The following PLXNB2 variants were observed in gnomAD, a reference collection of about 807,000 sequenced individuals.
The protein encoded by PLXNB2 is plexin B2.
A neutral mutation model predicts 202.6 loss-of-function variants in PLXNB2; 85 were observed. The ratio of observed to expected loss-of-function variants is 0.42; its 90% CI spans 0.35 to 0.50. The LOEUF is 0.50. Ranked by LOEUF, PLXNB2 falls within the 20% of genes least tolerant of loss-of-function variation. PLXNB2 has a pLI of 0.02. For missense variants in PLXNB2, 2,063 were observed against 2,586.2 expected (o/e 0.80, Z 4.39); for synonymous variants, 1,239 against 1,137.6 (o/e 1.09, Z -1.79).
At chr22:50,307,487 T>TGACGGCGAAGCCCCCCC (rs1300459587) in intron 1 of PLXNB2, 66 bp downstream of exon 1, 1 of 880,586 alleles carries the variant, frequency 1.1e-6, no homozygotes, top group African/African-American at 1.9e-5. Flanking sequence ...GGAGCGGCGC[T>TGACGGCGAAGCCCCCCC]GACGGCGAAG....
At position 50,290,375 on chromosome 22, in the gene PLXNB2, G is replaced by T; in HGVS notation, c.210C>A (p.Gly70=). The T allele has an allele frequency of 6.2e-7, 1 of 1,612,900 alleles. No homozygotes were observed. Among genetic ancestry groups the T allele is most frequent in the Non-Finnish European group, 8.5e-7 (1 of 1,179,982 alleles). Residue 70 remains glycine (G), a synonymous_variant, in exon 3 of 37, where the codon GGC becomes GGA. Transcript: ENST00000359337. ...TGCACTTCTTGTTGTCCAGGGCCGGGCCCGTGGCCACCTGCTGCTCCAGCT... is the reference window on the plus strand; with the variant it reads ...TGCACTTCTTGTTGTCCAGGGCCGGTCCCGTGGCCACCTGCTGCTCCAGCT... The part of the protein sequence containing the change: ...KLQLEQQVAT[G]PALDNKKCTP...
In PLXNB2 at chr22:50,281,633, G is replaced by C; in HGVS notation, c.3455C>G (p.Pro1152Arg). ...LTETDLYCEP[P>R]EVQPPPKRRQ... Reference sequence around the variant, plus strand: ...CCGCTTGGGCGGGGGCTGCACCTCCGGGGGCTCACAGTACAGGTCGGTCTC... The same window carrying C: ...CCGCTTGGGCGGGGGCTGCACCTCCCGGGGCTCACAGTACAGGTCGGTCTC... The change falls in exon 21 of 37, where the codon CCG becomes CGG. Residue 1152 changes from proline (P) to arginine (R), a missense_variant. Physicochemically the swap from Pro to Arg is moderately radical, Grantham distance 103. Transcript: ENST00000359337. 1 of 1,606,350 alleles carries C rather than the reference G, an allele frequency of 6.2e-7. No homozygotes were observed. Among genetic ancestry groups the C allele is most frequent in the Non-Finnish European group, 8.5e-7 (1 of 1,176,124 alleles).
rs1030918175 is a variant in PLXNB2, at chr22:50,275,242, C to T, written c.*462G>A. On this transcript the variant is annotated 3_prime_UTR_variant, in exon 37 of 37. Coordinates refer to ENST00000359337, the MANE Select transcript of PLXNB2 (RefSeq NM_012401.4). Reference sequence around the variant, plus strand: ...GAGGCCGGTGAGGTCAGGAAGGCATCGTACCGCTTTTTCTCCTCCTCCCAT... The same window carrying T: ...GAGGCCGGTGAGGTCAGGAAGGCATTGTACCGCTTTTTCTCCTCCTCCCAT... The T allele has an allele frequency of 5.4e-6, 2 of 369,320 alleles. No homozygotes were observed. Among genetic ancestry groups the T allele is most frequent in the Non-Finnish European group, 1.1e-5 (2 of 184,872 alleles). The allele number at this position is 369,320 out of a possible 1,614,324, so 22.9% of individuals were successfully genotyped here.
intron 2 of PLXNB2, among the ~76,000 whole-genome samples, chr22:50,292,906 C>T (rs551978355): frequency 1.4e-4 from 22 of 152,314 alleles, no homozygotes; most frequent in Admixed American, 1.1e-3. Context: ...AGCTCCTGCC[C>T]GGCACAGAAC....
At chr22:50,298,292 A>G (rs1490323475) in intron 1 of PLXNB2, among the ~76,000 whole-genome samples, 1 of 151,988 alleles carries the variant, frequency 6.6e-6, no homozygotes, top group Non-Finnish European at 1.5e-5. Context: ...CCTCCCCTCT[A>G]CAACCTAGAC....
Position 50,283,748 on chromosome 22 carries a change from G to C in PLXNB2, c.2424C>G (p.Ile808Met), listed in dbSNP as rs763643132. 6.2e-7 allele frequency: 1 copy of C among 1,613,020 alleles called. No homozygotes were observed. The highest frequency in any genetic ancestry group is 8.5e-7 in the Non-Finnish European group (1 of 1,179,934). The change falls in exon 15 of 37, where the codon ATC becomes ATG. Residue 808 changes from isoleucine to methionine, a missense_variant and splice_region_variant. Physicochemically the swap from Ile to Met is conservative, Grantham distance 10. Around this residue, in one of 2 missense-constraint regions of PLXNB2, gnomAD observed 1,303 missense variants for 1,476.8 expected, o/e 0.88. Coordinates refer to ENST00000359337, the MANE Select transcript of PLXNB2 (RefSeq NM_012401.4). ...SECPPPVITR[I>M]QPETGPLGGG... ...CACCCAGGGGGCCCGTCTCAGGCTG[G>C]ATCTGAAACCACAGAGCCGGGTGAG... is the stretch of plus-strand genomic sequence containing the variant.
At position 50,276,910 on chromosome 22, in the gene PLXNB2, T is replaced by A; in HGVS notation, c.5197-4A>T. 1 of 1,594,986 alleles carries A rather than the reference T, an allele frequency of 6.3e-7. No homozygotes were observed. The highest frequency in any genetic ancestry group is 8.5e-7 in the Non-Finnish European group (1 of 1,170,418). On this transcript the variant is annotated splice_polypyrimidine_tract_variant and splice_region_variant and intron_variant, in intron 33 of 36. Coordinates refer to ENST00000359337, the MANE Select transcript of PLXNB2 (RefSeq NM_012401.4). The stretch of plus-strand genomic sequence containing the variant: ...GCAGCTTGTTGCTGGGAGAATCCTG[T>A]TGGGGACAAAACCCAGTGATGCCTG...
intron 2 of PLXNB2, among the ~76,000 whole-genome samples, chr22:50,292,462 G>A (rs1243199397): frequency 1.3e-5 from 2 of 152,120 alleles, no homozygotes; most frequent in Non-Finnish European, 2.9e-5. Context: ...CCATTTCTCA[G>A]GTGAAGAAAC....
In PLXNB2 at chr22:50,283,421, C is replaced by T. The variant is rs200751612; in HGVS notation, c.2595G>A (p.Ala865=). ...CGACACCCCCCGTGAAAGGCGTCTC[C>T]GCAGCCTCGATCACACACACGATCC... is the stretch of plus-strand genomic sequence containing the variant. The part of the protein sequence containing the change: ...STRIVCVIEA[A]ETPFTGGVEV... The change falls in exon 16 of 37, where the codon GCG becomes GCA. Residue 865 remains alanine (A), a synonymous_variant. Coordinates refer to ENST00000359337, the MANE Select transcript of PLXNB2 (RefSeq NM_012401.4). The T allele has an allele frequency of 1.2e-4, 191 of 1,613,148 alleles. 1 individual carries two copies. The highest frequency in any genetic ancestry group is 4.1e-4 in the African/African-American group (31 of 74,996).
At chr22:50,303,703 C>T (rs1262715918) in intron 1 of PLXNB2, among the ~76,000 whole-genome samples, 2 of 152,238 alleles carry the variant, frequency 1.3e-5, no homozygotes, top group Non-Finnish European at 2.9e-5. Flanking sequence ...CACAGGGCCC[C>T]CCATGGAAGC....
chr22:50,275,555 C>T lies in PLXNB2; in HGVS notation c.*149G>A. The T allele has an allele frequency of 3.1e-6, 2 of 650,122 alleles. No individual in the cohort carries two copies. Among genetic ancestry groups the T allele is most frequent in the South Asian group, 3.5e-5 (2 of 57,952 alleles). 40.3% of individuals were successfully genotyped at this position (650,122 alleles called of 1,614,324 possible). On this transcript the variant is annotated 3_prime_UTR_variant, in exon 37 of 37. Transcript: ENST00000359337. ...AGAGGAAGATGCTACAGTCTAGACG[C>T]TGGGCGGGTTCCGGCTGCACCCACT...
At chr22:50,278,543 G>A in intron 29 of PLXNB2, 24 bp from the exon 30 acceptor site, 1 of 1,587,508 alleles carries the variant, frequency 6.3e-7, no homozygotes, top group Non-Finnish European at 8.6e-7. Flanking sequence ...CGGTGAGGGT[G>A]GGCTGTGCCC....
rs1361537159 is a variant in PLXNB2, at chr22:50,291,904, G to A, written c.-13-1307C>T. 6.6e-6 allele frequency among the ~76,000 whole-genome samples: 1 copy of A among 152,180 alleles called. No homozygotes were observed. Among genetic ancestry groups the A allele is most frequent in the African/African-American group, 2.4e-5 (1 of 41,434 alleles). ...ATGGCAGAGGGTTACGAGGGATGGAGGCCCTGGCCTCCCCCACCTCCCTGT... is the reference window on the plus strand; with the variant it reads ...ATGGCAGAGGGTTACGAGGGATGGAAGCCCTGGCCTCCCCCACCTCCCTGT... On this transcript the variant is annotated intron_variant, in intron 2 of 36. Coordinates refer to ENST00000359337, the MANE Select transcript of PLXNB2 (RefSeq NM_012401.4). This position sits in a 1 kb window ranked among gnomAD's most constrained non-coding sequence, Gnocchi z 4.3.
chr22:50,277,565 C>A, intron 33 of PLXNB2, 26 bp downstream of exon 33: 1 of 1,542,566 alleles, frequency 6.5e-7, no homozygotes, highest in Non-Finnish European at 8.8e-7. Flanking sequence ...GCCTCCCTGC[C>A]CCAGACCTGC....
Position 50,277,929 on chromosome 22 carries a change from A to G in PLXNB2, c.4972T>C (p.Phe1658Leu). 1 of 1,613,146 alleles carries G rather than the reference A, an allele frequency of 6.2e-7. No individual in the cohort carries two copies. The highest frequency in any genetic ancestry group is 2.2e-5 in the East Asian group (1 of 44,876). Residue 1658 changes from phenylalanine (F) to leucine (L), a missense_variant, in exon 32 of 37, where the codon TTC becomes CTC. Phe to Leu is a conservative substitution (Grantham distance 22). Coordinates refer to ENST00000359337, the MANE Select transcript of PLXNB2 (RefSeq NM_012401.4). ...HAVPPAVKYF[F>L]DFLDEQAEKH... is the part of the protein sequence containing the mutation. ...TCTGCCTGCTCGTCCAGGAAGTCGA[A>G]GAAGTACTTGACTGCAGGTGGCACC... is the stretch of plus-strand genomic sequence containing the variant.
At position 50,281,635 on chromosome 22, in the gene PLXNB2, G is replaced by A. The variant is rs770481405; in HGVS notation, c.3453C>T (p.Pro1151=). Residue 1151 remains proline, a synonymous_variant, in exon 21 of 37, where the codon CCC becomes CCT. Transcript: ENST00000359337. ...TLTETDLYCE[P]PEVQPPPKRR... Reference sequence around the variant, plus strand: ...GCTTGGGCGGGGGCTGCACCTCCGGGGGCTCACAGTACAGGTCGGTCTCCG... The same window carrying A: ...GCTTGGGCGGGGGCTGCACCTCCGGAGGCTCACAGTACAGGTCGGTCTCCG... 5.0e-6 allele frequency: 8 copies of A among 1,606,226 alleles called. No individual in the cohort carries two copies. Among genetic ancestry groups the A allele is most frequent in the African/African-American group, 1.3e-5 (1 of 74,834 alleles).
intron 23 of PLXNB2, 25 bp from the exon 24 acceptor site, chr22:50,280,998 TC>T: frequency 6.2e-7 from 1 of 1,608,338 alleles, no homozygotes; most frequent in Non-Finnish European, 8.5e-7. Context: ...GCGTGAGACG[TC>T]CCTGGCCACG....
intron 30 of PLXNB2, 49 bp from the exon 31 acceptor site, chr22:50,278,320 G>C: frequency 6.2e-7 from 1 of 1,600,410 alleles, no homozygotes. Flanking sequence ...TGGGGGCCTG[G>C]GTCCCACAGG....
intron 35 of PLXNB2, 29 bp downstream of exon 35, chr22:50,276,600 T>A (rs5771119): frequency 6.3e-7 from 1 of 1,583,656 alleles, no homozygotes; most frequent in Non-Finnish European, 8.7e-7. Flanking sequence ...CGGGGAGGGC[T>A]GTGGGTGCGT....
Sources: gnomAD v4.1 joint callset for allele counts (sites outside exome capture counted in the v4.1 genomes callset) on GRCh38, gnomAD v4.1.1 for gene constraint, gnomAD v4.1.1 regional missense constraint, Gnocchi (gnomAD v3.1) non-coding constraint, MANE v1.5 for transcripts, NCBI Gene and HGNC (gene_info 2026-07-23, HGNC 2026-07-21) for gene names.